The following UGT2B17 variants were observed in gnomAD, a reference collection of about 807,000 sequenced individuals.
UGT2B17 encodes the protein UDP-glucuronosyltransferase 2B17.
In UGT2B17, 21 loss-of-function variants were observed where a neutral mutation model predicts 48.2. The observed-to-expected ratio is 0.44, with a 90% CI of 0.31 to 0.63. UGT2B17 has a LOEUF of 0.63. Ranked by LOEUF, UGT2B17 falls within the 20% of genes least tolerant of loss-of-function variation. UGT2B17 has a pLI of 0.08. For missense variants in UGT2B17, 402 were observed against 696.1 expected (o/e 0.58, Z 4.75); for synonymous variants, 146 against 238.4 (o/e 0.61, Z 3.57).
At chr4:68,564,294 A>ATATATATAT (rs1366181355) in intron 3 of UGT2B17, among the ~76,000 whole-genome samples, 27 of 75,756 alleles carry the variant, frequency 3.6e-4, no homozygotes, top group East Asian at 1.9e-3. Context: ...ATATATATAT[A>ATATATATAT]TTTTTTTTTT....
At chr4:68,551,027 A>G in intron 5 of UGT2B17, 131 bp from the exon 6 acceptor site, 1 of 674,964 alleles carries the variant, frequency 1.5e-6, no homozygotes, top group Non-Finnish European at 2.1e-6. Flanking sequence ...CTGCATTGAA[A>G]TTGTTTTCAA....
At chr4:68,561,207 G>C (rs1731096229) in intron 3 of UGT2B17, among the ~76,000 whole-genome samples, 1 of 122,290 alleles carries the variant, frequency 8.2e-6, no homozygotes, top group Admixed American at 8.5e-5. Flanking sequence ...CATTTATTTA[G>C]CTTCTTTAGC....
At chr4:68,573,441 C>T (rs1731325730) in intron 1 of UGT2B17, among the ~76,000 whole-genome samples, 1 of 124,452 alleles carries the variant, frequency 8.0e-6, no homozygotes, top group Non-Finnish European at 1.7e-5. Flanking sequence ...ATCTAATCTA[C>T]ATTTTTATTG....
intron 3 of UGT2B17, among the ~76,000 whole-genome samples, chr4:68,564,762 G>A (rs1340726471): frequency 8.0e-6 from 1 of 125,548 alleles, no homozygotes; most frequent in African/African-American, 2.7e-5. Context: ...GTTCAGTGGT[G>A]TGGTCTCAGC....
At chr4:68,547,156 A>G (rs10000724) in intron 6 of UGT2B17, among the ~76,000 whole-genome samples, 57,792 of 110,592 alleles carry the variant, frequency 0.52, 21,323 homozygotes, top group Middle Eastern at 0.81. Context: ...GAGGCATCAC[A>G]CTACCTGACT....
rs553990756 is a variant in UGT2B17 at position 68,552,000 on chromosome 4, A to C, written c.1006-89T>G. On this transcript the variant is annotated intron_variant, in intron 4 of 6. Coordinates refer to ENST00000317746, the MANE Select transcript of UGT2B17 (RefSeq NM_001077.4). Reference sequence around the variant, plus strand: ...TTCTGAAGAGATTAATAATCAGTTAATCCATATAAAAGATGAAGAAATAAG... The same window carrying C: ...TTCTGAAGAGATTAATAATCAGTTACTCCATATAAAAGATGAAGAAATAAG... 174 of 915,018 alleles carry C rather than the reference A, an allele frequency of 1.9e-4. 49 individuals carry two copies. In the South Asian group the frequency reaches 5.9e-3, roughly 31 times the overall value. The allele number at this position is 915,018 out of a possible 1,614,324, so 56.7% of individuals were successfully genotyped here. A position where few individuals can be genotyped will look rare whatever the true frequency, so the allele number is the denominator to read the frequency against.
Position 68,547,628 on chromosome 4 carries a change from T to G in UGT2B17, c.1313+3049A>C, listed in dbSNP as rs527412382. 4.7e-3 allele frequency among the ~76,000 whole-genome samples: 591 copies of G among 125,910 alleles called. 138 individuals are homozygous for G. The highest frequency in any genetic ancestry group is 7.7e-3 in the Non-Finnish European group (455 of 59,398). The allele number at this position is 125,910 out of a possible 152,430, so 82.6% of individuals were successfully genotyped here. Reference sequence around the variant, plus strand: ...CACAGCAAAGGAAACTACCATCAGATTGAACAGGCAACCTACAGAATGGGA... The same window carrying G: ...CACAGCAAAGGAAACTACCATCAGAGTGAACAGGCAACCTACAGAATGGGA... On this transcript the variant is annotated intron_variant, in intron 6 of 6. Transcript: ENST00000317746.
rs1731371083 is a variant in UGT2B17 at position 68,576,126 on chromosome 4, G to A, written c.-240C>T. Among the ~76,000 whole-genome samples the A allele has an allele frequency of 2.4e-5, 3 of 125,368 alleles. 1 individual carries two copies. Among genetic ancestry groups the A allele is most frequent in the Non-Finnish European group, 5.1e-5 (3 of 59,216 alleles). 82.2% of individuals were successfully genotyped at this position (125,368 alleles called of 152,430 possible). On this transcript the variant is annotated 5_prime_UTR_variant, in exon 1 of 7. Coordinates refer to ENST00000317746, the MANE Select transcript of UGT2B17 (RefSeq NM_001077.4). Reference sequence around the variant, plus strand: ...CTCAGGCTGCCCGGAGTACCCCACAGGGATGCTCCACAGGGCAGGCTTAAG... The same window carrying A: ...CTCAGGCTGCCCGGAGTACCCCACAAGGATGCTCCACAGGGCAGGCTTAAG...
chr4:68,561,925 A>G (rs1429883652), intron 3 of UGT2B17, among the ~76,000 whole-genome samples: 1 of 123,210 alleles, frequency 8.1e-6, no homozygotes, highest in Non-Finnish European at 1.7e-5. Flanking sequence ...TTTTTTTCTC[A>G]GTAAAATAAT....
Position 68,555,148 on chromosome 4 carries a change from A to T in UGT2B17, c.1006-3237T>A, listed in dbSNP as rs1730979409. Among the ~76,000 whole-genome samples the T allele has an allele frequency of 1.6e-5, 2 of 126,026 alleles. 1 individual carries two copies. Among genetic ancestry groups the T allele is most frequent in the Non-Finnish European group, 3.4e-5 (2 of 59,416 alleles). 82.7% of individuals were successfully genotyped at this position (126,026 alleles called of 152,430 possible). On this transcript the variant is annotated intron_variant, in intron 4 of 6. Transcript: ENST00000317746. The stretch of plus-strand genomic sequence containing the variant: ...ATGATAATATTAGAAATGCATTAAG[A>T]CTTGCCAGCATACATTTTTGTTTGC...
Position 68,544,089 on chromosome 4 carries a change from A to G in UGT2B17, c.1314-6185T>C, listed in dbSNP as rs1424046134. ...TTCAAGACATACAGAGAATGCCATA[A>G]AGATACTCCTCAAGAAGAGCAACTC... is the stretch of plus-strand genomic sequence containing the variant. On this transcript the variant is annotated intron_variant, in intron 6 of 6. Coordinates refer to ENST00000317746, the MANE Select transcript of UGT2B17 (RefSeq NM_001077.4). 1.6e-5 allele frequency among the ~76,000 whole-genome samples: 2 copies of G among 125,856 alleles called. 1 individual carries two copies. Among genetic ancestry groups the G allele is most frequent in the African/African-American group, 5.4e-5 (2 of 36,812 alleles). 82.6% of individuals were successfully genotyped at this position (125,856 alleles called of 152,430 possible).
In UGT2B17 at chr4:68,550,838, T is replaced by G. The variant is rs13102139; in HGVS notation, c.1152A>C (p.Ala384=). ...CCACCATAGGGATCCCATGGTAGAT[T>G]GCCTCATAGATGCCATTGGTTCCAC... The part of the protein sequence containing the change: ...THGGTNGIYE[A]IYHGIPMVGI... Residue 384 remains alanine, a synonymous_variant, in exon 6 of 7, where the codon GCA becomes GCC. Coordinates refer to ENST00000317746, the MANE Select transcript of UGT2B17 (RefSeq NM_001077.4). 3 of 1,372,606 alleles carry G rather than the reference T, an allele frequency of 2.2e-6. 1 individual carries two copies. Among genetic ancestry groups the G allele is most frequent in the East Asian group, 1.7e-4 (2 of 12,112 alleles). The allele number at this position is 1,372,606 out of a possible 1,614,324, so 85.0% of individuals were successfully genotyped here. A position where few individuals can be genotyped will look rare whatever the true frequency, so the allele number is the denominator to read the frequency against.
Position 68,540,184 on chromosome 4 carries a change from T to C in UGT2B17, c.1314-2280A>G, listed in dbSNP as rs575410691. On this transcript the variant is annotated intron_variant, in intron 6 of 6. Transcript: ENST00000317746. ...TATACAGATATATGTGCAATATATATACACACACACACATATAACACATAG... is the reference window on the plus strand; with the variant it reads ...TATACAGATATATGTGCAATATATACACACACACACACATATAACACATAG... Among the ~76,000 whole-genome samples the C allele has an allele frequency of 2.9e-4, 37 of 126,414 alleles. 4 individuals are homozygous for C. Among genetic ancestry groups the C allele is most frequent in the Admixed American group, 4.9e-4 (6 of 12,332 alleles). The allele number at this position is 126,414 out of a possible 152,430, so 82.9% of individuals were successfully genotyped here.
rs192032503 is a variant in UGT2B17 at position 68,549,954 on chromosome 4, G to C, written c.1313+723C>G. ...ATATTATATAGAAATAAAAATGAAT[G>C]AGTTCTGATACATCCAACAACATAA... is the stretch of plus-strand genomic sequence containing the variant. On this transcript the variant is annotated intron_variant, in intron 6 of 6. Transcript: ENST00000317746. Among the ~76,000 whole-genome samples, 351 of 125,642 alleles carry C rather than the reference G, an allele frequency of 2.8e-3. 85 individuals carry two copies. The highest frequency in any genetic ancestry group is 4.6e-3 in the Non-Finnish European group (273 of 59,370). The allele number at this position is 125,642 out of a possible 152,430, so 82.4% of individuals were successfully genotyped here.
chr4:68,549,780 A>G lies in UGT2B17; in HGVS notation c.1313+897T>C, dbSNP rs1730882840. Among the ~76,000 whole-genome samples the G allele has an allele frequency of 1.6e-5, 2 of 126,122 alleles. 1 individual carries two copies. Among genetic ancestry groups the G allele is most frequent in the Non-Finnish European group, 3.4e-5 (2 of 59,500 alleles). The allele number at this position is 126,122 out of a possible 152,430, so 82.7% of individuals were successfully genotyped here. A position where few individuals can be genotyped will look rare whatever the true frequency, so the allele number is the denominator to read the frequency against. On this transcript the variant is annotated intron_variant, in intron 6 of 6. Transcript: ENST00000317746. ...CAACAATTTCCCATATGCCTCAGCA[A>G]GTCCACTCCTAGCCTCTCCTCAAAA...
chr4:68,558,439 A>C (rs1731043394), intron 4 of UGT2B17, among the ~76,000 whole-genome samples: 1 of 126,566 alleles, frequency 7.9e-6, no homozygotes, highest in African/African-American at 2.7e-5. Flanking sequence ...AAGCTAGACA[A>C]CTTAAACTCC....
At position 68,555,633 on chromosome 4, in the gene UGT2B17, T is replaced by C. The variant is rs1319372814; in HGVS notation, c.1006-3722A>G. 4.0e-5 allele frequency among the ~76,000 whole-genome samples: 5 copies of C among 125,710 alleles called. 2 individuals carry two copies. The highest frequency in any genetic ancestry group is 8.4e-5 in the Non-Finnish European group (5 of 59,296). The allele number at this position is 125,710 out of a possible 152,430, so 82.5% of individuals were successfully genotyped here. A position where few individuals can be genotyped will look rare whatever the true frequency, so the allele number is the denominator to read the frequency against. ...ATGACTACCACACTTTTCACAAATATTCTAGGTAAATGACTAAATAATTAG... is the reference window on the plus strand; with the variant it reads ...ATGACTACCACACTTTTCACAAATACTCTAGGTAAATGACTAAATAATTAG... On this transcript the variant is annotated intron_variant, in intron 4 of 6. Coordinates refer to ENST00000317746, the MANE Select transcript of UGT2B17 (RefSeq NM_001077.4).
rs1463051961 is a variant in UGT2B17 at position 68,542,173 on chromosome 4, T to C, written c.1314-4269A>G. ...TTTGTCAGGTTTGTCAAAGATCAGA[T>C]GGTTGTAGATGTGTAATGTTATTTC... On this transcript the variant is annotated intron_variant, in intron 6 of 6. Coordinates refer to ENST00000317746, the MANE Select transcript of UGT2B17 (RefSeq NM_001077.4). Among the ~76,000 whole-genome samples the C allele has an allele frequency of 2.6e-4, 33 of 126,504 alleles. 7 individuals are homozygous for C. Among genetic ancestry groups the C allele is most frequent in the African/African-American group, 8.4e-4 (31 of 36,958 alleles). The allele number at this position is 126,504 out of a possible 152,430, so 83.0% of individuals were successfully genotyped here.
chr4:68,560,100 T>G (rs1417193313), intron 4 of UGT2B17, among the ~76,000 whole-genome samples: 1 of 125,192 alleles, frequency 8.0e-6, no homozygotes, highest in African/African-American at 2.7e-5. Flanking sequence ...ATGATGCATT[T>G]CAAAGTTTTT....
Sources: allele counts gnomAD v4.1 joint callset (sites outside exome capture counted in the v4.1 genomes callset), GRCh38; gene constraint gnomAD v4.1.1; transcripts MANE v1.5; gene names NCBI Gene and HGNC (gene_info 2026-07-23, HGNC 2026-07-21).